The following SELENOT variants were observed in gnomAD, a reference collection of about 807,000 sequenced individuals.
The protein encoded by SELENOT is thioredoxin reductase-like selenoprotein T.
Under a neutral mutation model 24.3 loss-of-function variants are expected in SELENOT, and 9 were observed. The observed-to-expected ratio is 0.37, with a 90% CI of 0.22 to 0.65. The LOEUF is 0.65. SELENOT is among the 30% of genes least tolerant of loss of function. The probability of loss-of-function intolerance (pLI) is 0.60; values close to 1 mark genes in which losing one functional copy is unlikely to be tolerated. For missense variants in SELENOT, 166 were observed against 247.6 expected (o/e 0.67, Z 2.21); for synonymous variants, 81 against 86.0 (o/e 0.94, Z 0.32).
At chr3:150,606,119 A>G (rs1038761534) in intron 1 of SELENOT, among the ~76,000 whole-genome samples, 5 of 140,354 alleles carry the variant, frequency 3.6e-5, no homozygotes, top group Non-Finnish European at 7.8e-5. Flanking sequence ...AGAGTTTCCT[A>G]TTCTCGTTTT....
At chr3:150,612,158 A>G (rs1170899187) in intron 1 of SELENOT, among the ~76,000 whole-genome samples, 5 of 151,868 alleles carry the variant, frequency 3.3e-5, no homozygotes, top group Admixed American at 3.3e-4. Context: ...CGGTGGCGCA[A>G]TCTTGGCTCA....
intron 1 of SELENOT, among the ~76,000 whole-genome samples, chr3:150,608,520 C>A (rs1479942391): frequency 6.6e-6 from 1 of 152,042 alleles, no homozygotes; most frequent in Non-Finnish European, 1.5e-5. Context: ...TAAATTCCAG[C>A]TACTCAGGAG....
intron 1 of SELENOT, among the ~76,000 whole-genome samples, chr3:150,606,585 A>T (rs181889157): frequency 1.3e-5 from 2 of 152,280 alleles, no homozygotes; most frequent in Admixed American, 6.5e-5. Context: ...GAAGTTCTCT[A>T]ATCAGAGCTT....
chr3:150,611,377 A>T, intron 1 of SELENOT: 1 of 1,211,502 alleles, frequency 8.3e-7, no homozygotes, highest in East Asian at 2.3e-5. Context: ...GTGGCAACCA[A>T]CTATCTCAAC....
chr3:150,620,338 G>A (rs1225985794), intron 1 of SELENOT, among the ~76,000 whole-genome samples: 1 of 152,110 alleles, frequency 6.6e-6, no homozygotes, highest in African/African-American at 2.4e-5. Context: ...GTGGACAAAG[G>A]GAACTTACTT....
intron 1 of SELENOT, among the ~76,000 whole-genome samples, chr3:150,619,854 G>A (rs1298290153): frequency 6.6e-6 from 1 of 152,166 alleles, no homozygotes; most frequent in Non-Finnish European, 1.5e-5. Context: ...TTATTTTAGG[G>A]AAAGCAATTA....
intron 1 of SELENOT, among the ~76,000 whole-genome samples, chr3:150,616,977 A>G (rs920096650): frequency 1.3e-5 from 2 of 152,090 alleles, no homozygotes; most frequent in African/African-American, 4.8e-5. Flanking sequence ...GGTGAATACT[A>G]TGATGGAATC....
intron 1 of SELENOT, chr3:150,611,555 G>A: frequency 8.4e-7 from 1 of 1,196,370 alleles, no homozygotes; most frequent in Non-Finnish European, 1.2e-6. Context: ...CTTCTGTTTC[G>A]AATACTCTGA....
chr3:150,613,745 G>T (rs1417127778), intron 1 of SELENOT, among the ~76,000 whole-genome samples: 1 of 145,416 alleles, frequency 6.9e-6, no homozygotes, highest in Non-Finnish European at 1.5e-5. Flanking sequence ...TAACATGACG[G>T]TGCATTCATC....
At chr3:150,619,526 A>G (rs946489576) in intron 1 of SELENOT, among the ~76,000 whole-genome samples, 1 of 152,178 alleles carries the variant, frequency 6.6e-6, no homozygotes, top group African/African-American at 2.4e-5. Flanking sequence ...ACAGAGTGAG[A>G]CTGTCTCAAA....
chr3:150,606,181 C>T (rs891731366), intron 1 of SELENOT, among the ~76,000 whole-genome samples: 17 of 148,412 alleles, frequency 1.1e-4, no homozygotes, highest in Non-Finnish European at 2.2e-4. Flanking sequence ...GACAGAGTCC[C>T]GCTGTGTCAC....
At chr3:150,607,653 G>A (rs527301378) in intron 1 of SELENOT, among the ~76,000 whole-genome samples, 101 of 152,340 alleles carry the variant, frequency 6.6e-4, no homozygotes, top group African/African-American at 2.4e-3. Context: ...ATCAGGGAAG[G>A]TTTCCATGAG....
intron 4 of SELENOT, among the ~76,000 whole-genome samples, chr3:150,625,275 A>G (rs548384219): frequency 6.6e-6 from 1 of 152,214 alleles, no homozygotes; most frequent in African/African-American, 2.4e-5. Flanking sequence ...ATGCTGAAGA[A>G]TCTTAAACAT....
intron 1 of SELENOT, among the ~76,000 whole-genome samples, chr3:150,613,037 G>C (rs900403385): frequency 6.6e-6 from 1 of 152,232 alleles, no homozygotes; most frequent in Non-Finnish European, 1.5e-5. Flanking sequence ...AGATGAAAGA[G>C]TCCGAAAGAT....
chr3:150,607,837 G>A (rs1056468817), intron 1 of SELENOT, among the ~76,000 whole-genome samples: 1 of 152,178 alleles, frequency 6.6e-6, no homozygotes, highest in Non-Finnish European at 1.5e-5. Flanking sequence ...AGAGCTTGAG[G>A]GTCTGGCAGG....
Position 150,628,722 on chromosome 3 carries a change from T to A in SELENOT, c.*1093T>A, listed in dbSNP as rs974835791. Reference sequence around the variant, plus strand: ...TCAGAGTTCTAAAAAGGCAGTTTTTTAAAAAACTTAAGTTGATAAAAACTG... The same window carrying A: ...TCAGAGTTCTAAAAAGGCAGTTTTTAAAAAAACTTAAGTTGATAAAAACTG... On this transcript the variant is annotated 3_prime_UTR_variant, in exon 6 of 6. Coordinates refer to ENST00000471696, the MANE Select transcript of SELENOT (RefSeq NM_016275.5). The A allele has an allele frequency of 1.8e-4, 27 of 152,196 alleles. No individual in the cohort carries two copies. The highest frequency in any genetic ancestry group is 6.0e-4 in the African/African-American group (25 of 41,448). The allele number at this position is 152,196 out of a possible 1,614,324, so 9.4% of individuals were successfully genotyped here.
At chr3:150,619,477 A>G (rs1377512387) in intron 1 of SELENOT, among the ~76,000 whole-genome samples, 1 of 152,092 alleles carries the variant, frequency 6.6e-6, no homozygotes, top group African/African-American at 2.4e-5. Flanking sequence ...CGGAGTTTGC[A>G]GTGAGCCGAG....
At chr3:150,607,585 T>C (rs1199403756) in intron 1 of SELENOT, among the ~76,000 whole-genome samples, 1 of 152,134 alleles carries the variant, frequency 6.6e-6, no homozygotes, top group African/African-American at 2.4e-5. Context: ...TAAAATTCAA[T>C]TGGTGTTAAG....
At chr3:150,617,299 T>A (rs948465275) in intron 1 of SELENOT, among the ~76,000 whole-genome samples, 16 of 152,078 alleles carry the variant, frequency 1.1e-4, no homozygotes, top group African/African-American at 2.4e-4. Context: ...TAAAAAAAAA[T>A]TTTTGTTTTA....
Sources: gnomAD v4.1 joint callset for allele counts (sites outside exome capture counted in the v4.1 genomes callset) on GRCh38, gnomAD v4.1.1 for gene constraint, MANE v1.5 for transcripts, NCBI Gene and HGNC (gene_info 2026-07-23, HGNC 2026-07-21) for gene names.